CSMD1: variants seen among roughly 807,000 people sequenced by gnomAD.
CSMD1 encodes the protein CUB and Sushi multiple domains 1.
A neutral mutation model predicts 417.5 loss-of-function variants in CSMD1; 213 were observed. That is an observed-to-expected ratio of 0.51 (90% CI 0.46 to 0.57). The LOEUF (loss-of-function observed/expected upper bound fraction) is 0.57. Among genes scored for constraint, CSMD1 ranks in the 20% least tolerant of loss-of-function variants. The pLI, the probability that CSMD1 is intolerant of heterozygous loss-of-function variation, is 0.00. For synonymous variants in CSMD1, 2,862 were observed against 1,736.8 expected, an observed-to-expected ratio of 1.65 and a Z score of -16.11; for missense variants, 6,923 against 4,529.7, an observed-to-expected ratio of 1.53 and a Z score of -15.17.
At chr8:4,185,853 A>C (rs4083035) in intron 3 of CSMD1, among the ~76,000 whole-genome samples, 44 of 152,216 alleles carry the variant, frequency 2.9e-4, no homozygotes, top group Non-Finnish European at 5.7e-4. Context: ...TGAACAGAGC[A>C]ACCGTTCTTG....
intron 1 of CSMD1, among the ~76,000 whole-genome samples, chr8:4,880,089 G>A (rs1355276083): frequency 6.6e-6 from 1 of 152,006 alleles, no homozygotes; most frequent in African/African-American, 2.4e-5. Flanking sequence ...AGTTTTGGCC[G>A]TTGTAATCTT....
At chr8:4,889,324 T>A (rs891289189) in intron 1 of CSMD1, among the ~76,000 whole-genome samples, 5 of 152,090 alleles carry the variant, frequency 3.3e-5, no homozygotes, top group Non-Finnish European at 7.3e-5. Context: ...TTGAGGAGAA[T>A]TTTATGAATC....
At chr8:4,371,749 G>A (rs1242751913) in intron 3 of CSMD1, among the ~76,000 whole-genome samples, 1 of 152,194 alleles carries the variant, frequency 6.6e-6, no homozygotes, top group East Asian at 1.9e-4. Context: ...AAACGCCTAA[G>A]GTCTTTACGG....
chr8:4,013,746 G>A (rs1796390298), intron 4 of CSMD1, among the ~76,000 whole-genome samples: 1 of 152,160 alleles, frequency 6.6e-6, no homozygotes, highest in Non-Finnish European at 1.5e-5. Flanking sequence ...TAGCTTGTGG[G>A]TTACATTCAG....
intron 5 of CSMD1, among the ~76,000 whole-genome samples, chr8:3,758,564 A>G (rs757818924): frequency 6.6e-6 from 1 of 152,180 alleles, no homozygotes; most frequent in African/African-American, 2.4e-5. Flanking sequence ...CTATAAACTC[A>G]GTTGTTTCTT....
intron 50 of CSMD1, among the ~76,000 whole-genome samples, chr8:3,030,750 G>A (rs1585187831): frequency 6.6e-6 from 1 of 152,070 alleles, no homozygotes; most frequent in South Asian, 2.1e-4. Context: ...CTCCCAAAGT[G>A]CTGGGATTAC....
At chr8:4,313,808 G>A (rs35696662) in intron 3 of CSMD1, among the ~76,000 whole-genome samples, 42,042 of 151,642 alleles carry the variant, frequency 0.28, 6,900 homozygotes, top group African/African-American at 0.47. Context: ...AAGGTCAGGA[G>A]TTCGAGACTA....
At chr8:3,666,166 G>C (rs1585041932) in intron 7 of CSMD1, among the ~76,000 whole-genome samples, 1 of 152,158 alleles carries the variant, frequency 6.6e-6, no homozygotes, top group South Asian at 2.1e-4. Context: ...CAAATGCTGG[G>C]ATTACAGGCA....
intron 5 of CSMD1, among the ~76,000 whole-genome samples, chr8:3,790,000 G>T (rs932517674): frequency 1.3e-5 from 2 of 152,004 alleles, no homozygotes; most frequent in East Asian, 3.9e-4. Flanking sequence ...CAAAGTGCTG[G>T]GATTACAGGC....
At position 4,647,496 on chromosome 8, in the gene CSMD1, T is replaced by C. The variant is rs547846591; in HGVS notation, c.86-9938A>G. Among the ~76,000 whole-genome samples the C allele has an allele frequency of 3.1e-3, 430 of 137,490 alleles. 6 individuals carry two copies. The highest frequency in any genetic ancestry group is 0.012 in the African/African-American group (406 of 33,062). The allele number at this position is 137,490 out of a possible 152,430, so 90.2% of individuals were successfully genotyped here. ...GGTACGCGTGTGCCATGGTGGTTTGTTACGTAGGTACGCGTGTGCCATGGT... is the reference window on the plus strand; with the variant it reads ...GGTACGCGTGTGCCATGGTGGTTTGCTACGTAGGTACGCGTGTGCCATGGT... On this transcript the variant is annotated intron_variant, in intron 1 of 69. Transcript: ENST00000635120.
intron 3 of CSMD1, among the ~76,000 whole-genome samples, chr8:4,322,322 C>CT (rs35168536): frequency 0.18 from 27,477 of 151,790 alleles, 2,988 homozygotes; most frequent in South Asian, 0.36. Context: ...GAAGAGAGTA[C>CT]TTTTTTTTGC....
At chr8:3,143,770 CTAATA>C (rs1046126743) in intron 40 of CSMD1, among the ~76,000 whole-genome samples, 8 of 152,246 alleles carry the variant, frequency 5.3e-5, no homozygotes, top group African/African-American at 1.2e-4. Flanking sequence ...ATTTTTGCAT[CTAATA>C]TATTTCCTAG....
chr8:4,460,611 G>T (rs764191659), intron 2 of CSMD1, among the ~76,000 whole-genome samples: 3 of 151,554 alleles, frequency 2.0e-5, no homozygotes, highest in Non-Finnish European at 4.4e-5. Context: ...TAAAATGGGG[G>T]AAAAAAAGGT....
At chr8:4,320,328 T>G (rs1176296008) in intron 3 of CSMD1, among the ~76,000 whole-genome samples, 2 of 152,208 alleles carry the variant, frequency 1.3e-5, no homozygotes, top group Non-Finnish European at 2.9e-5. Flanking sequence ...GCTATTTGTT[T>G]TCCTTCCACA....
intron 1 of CSMD1, among the ~76,000 whole-genome samples, chr8:4,979,205 G>A (rs1026946481): frequency 6.6e-6 from 1 of 152,170 alleles, no homozygotes; most frequent in Admixed American, 6.5e-5. Context: ...TCATAGAACT[G>A]AGAGTCTAAT....
intron 1 of CSMD1, among the ~76,000 whole-genome samples, chr8:4,803,553 C>CTGTT (rs1798426074): frequency 6.6e-6 from 1 of 152,134 alleles, no homozygotes; most frequent in African/African-American, 2.4e-5. Context: ...TAAATCTCAG[C>CTGTT]TGTTTTATTT....
At chr8:4,538,187 C>G (rs914292370) in intron 2 of CSMD1, among the ~76,000 whole-genome samples, 60 of 115,640 alleles carry the variant, frequency 5.2e-4, no homozygotes, top group African/African-American at 1.9e-3. Flanking sequence ...CTGGAGGTGG[C>G]TACATTTTTT....
chr8:3,167,435 G>GAAAAC (rs1820300144), intron 37 of CSMD1, among the ~76,000 whole-genome samples: 1 of 151,412 alleles, frequency 6.6e-6, no homozygotes, highest in South Asian at 2.1e-4. Context: ...ACAACATAAA[G>GAAAAC]GTAATTCTTG....
chr8:4,248,286 A>G (rs1357376806), intron 3 of CSMD1, among the ~76,000 whole-genome samples: 3 of 152,124 alleles, frequency 2.0e-5, no homozygotes, highest in Non-Finnish European at 4.4e-5. Context: ...TATTCTTTAT[A>G]CAAACAATCT....
Sources: allele counts gnomAD v4.1 joint callset (sites outside exome capture counted in the v4.1 genomes callset), GRCh38; gene constraint gnomAD v4.1.1; transcripts MANE v1.5; gene names NCBI Gene and HGNC (gene_info 2026-07-23, HGNC 2026-07-21).